Variants in ZNF850 observed in about 807,000 individuals in gnomAD.
ZNF850 encodes the protein zinc finger protein 850, also known as putative zinc finger protein ENSP00000330994.
A neutral mutation model predicts 11.9 loss-of-function variants in ZNF850; 2 were observed. The observed-to-expected ratio is 0.17, with a 90% CI of 0.07 to 0.53. The LOEUF is 0.53. ZNF850 is among the 20% of genes least tolerant of loss of function. ZNF850 has a pLI of 0.94. For synonymous variants in ZNF850, 381 were observed against 443.0 expected, an observed-to-expected ratio of 0.86 and a Z score of 1.76; for missense variants, 1,014 against 1,316.4, an observed-to-expected ratio of 0.77 and a Z score of 3.55.
At position 36,747,309 on chromosome 19, in the gene ZNF850, T is replaced by TA. The variant is rs1254058603; in HGVS notation, c.*457_*458insT. On this transcript the variant is annotated 3_prime_UTR_variant, in exon 5 of 5. Transcript: ENST00000591344. The stretch of plus-strand genomic sequence containing the variant: ...CATTGACCACATTCTCTAATATGAA[T>TA]TTGTATAACTTCAATAAGCTTTGAA... 1.3e-5 allele frequency: 2 copies of TA among 154,562 alleles called. No homozygotes were observed. Among genetic ancestry groups the TA allele is most frequent in the African/African-American group, 2.4e-5 (1 of 41,470 alleles). 9.6% of individuals were successfully genotyped at this position (154,562 alleles called of 1,614,324 possible). A position where few individuals can be genotyped will look rare whatever the true frequency, so the allele number is the denominator to read the frequency against.
At position 36,750,808 on chromosome 19, in the gene ZNF850, A is replaced by G; in HGVS notation, c.236-4T>C. Reference sequence around the variant, plus strand: ...GTCTTACATCTAAACTCCGAGTCTGAAAAATAACCAGAAAGCAAAAACATA... The same window carrying G: ...GTCTTACATCTAAACTCCGAGTCTGGAAAATAACCAGAAAGCAAAAACATA... On this transcript the variant is annotated splice_polypyrimidine_tract_variant and splice_region_variant and intron_variant, in intron 4 of 4. Transcript: ENST00000591344. 1.3e-6 allele frequency: 2 copies of G among 1,487,168 alleles called. No individual in the cohort carries two copies. The highest frequency in any genetic ancestry group is 1.8e-6 in the Non-Finnish European group (2 of 1,124,700). 92.1% of individuals were successfully genotyped at this position (1,487,168 alleles called of 1,614,324 possible).
chr19:36,762,045 C>A (rs1301883035), intron 3 of ZNF850, among the ~76,000 whole-genome samples: 546 of 113,710 alleles, frequency 4.8e-3, no homozygotes, highest in South Asian at 7.6e-3. Flanking sequence ...GACTTTGTCT[C>A]AAAAAAAAAA....
chr19:36,748,093 A>G lies in ZNF850; in HGVS notation c.2947T>C (p.Cys983Arg), dbSNP rs1206290064. 1 of 1,554,488 alleles carries G rather than the reference A, an allele frequency of 6.4e-7. No homozygotes were observed. The highest frequency in any genetic ancestry group is 1.9e-5 in the Admixed American group (1 of 51,562). The change falls in exon 5 of 5, where the codon TGT becomes CGT. Residue 983 changes from cysteine (C) to arginine (R), a missense_variant. Physicochemically the swap from Cys to Arg is radical, Grantham distance 180. Around this residue, in one of 2 missense-constraint regions of ZNF850, gnomAD observed 179 missense variants for 294.4 expected, o/e 0.61. Coordinates refer to ENST00000591344, the MANE Select transcript of ZNF850 (RefSeq NM_001193552.2). ...GTAAAAGATTTCCCACATTCTTTAC[A>G]TTCATAAGGTCTGTCACCGGTATGA... ...RIHTGDRPYE[C>R]KECGKSFTCG...
intron 4 of ZNF850, among the ~76,000 whole-genome samples, chr19:36,753,840 T>C (rs756208493): frequency 9.9e-5 from 15 of 152,106 alleles, no homozygotes; most frequent in Non-Finnish European, 7.4e-5. Flanking sequence ...GAGCTAGGAT[T>C]TGAATGGAGG....
At chr19:36,758,177 G>A (rs1488574788) in intron 4 of ZNF850, among the ~76,000 whole-genome samples, 1 of 152,110 alleles carries the variant, frequency 6.6e-6, no homozygotes. Context: ...TGCCTTACAG[G>A]TGTAGTATGT....
At chr19:36,770,660 T>G (rs1351450182) in intron 1 of ZNF850, among the ~76,000 whole-genome samples, 2 of 129,124 alleles carry the variant, frequency 1.5e-5, no homozygotes, top group Non-Finnish European at 3.1e-5. Context: ...GACTGGAGAT[T>G]GCGCCACTGC....
At chr19:36,770,823 A>G (rs1478533050) in intron 1 of ZNF850, among the ~76,000 whole-genome samples, 3 of 151,872 alleles carry the variant, frequency 2.0e-5, no homozygotes, top group African/African-American at 7.3e-5. Context: ...TGAGAAAATC[A>G]CAGAACCGTA....
At position 36,745,799 on chromosome 19, in the gene ZNF850, CT is replaced by C. The variant is rs1184654408; in HGVS notation, c.*1967del. The C allele has an allele frequency of 6.6e-6, 1 of 152,174 alleles. No homozygotes were observed. Among genetic ancestry groups the C allele is most frequent in the Non-Finnish European group, 1.5e-5 (1 of 68,114 alleles). The allele number at this position is 152,174 out of a possible 1,614,324, so 9.4% of individuals were successfully genotyped here. On this transcript the variant is annotated 3_prime_UTR_variant, in exon 5 of 5. Transcript: ENST00000591344. The stretch of plus-strand genomic sequence containing the variant: ...TTATATTCATAAGGTGGGAAGATTG[CT>C]TGAAGACAGGAATTCAAGACCAGCC...
At chr19:36,765,734 G>A (rs2040545529) in intron 1 of ZNF850, among the ~76,000 whole-genome samples, 1 of 151,338 alleles carries the variant, frequency 6.6e-6, no homozygotes, top group Non-Finnish European at 1.5e-5. Context: ...ACAGGCATGT[G>A]CCACCACGCC....
chr19:36,752,649 G>A (rs1401954330), intron 4 of ZNF850, among the ~76,000 whole-genome samples: 1 of 152,148 alleles, frequency 6.6e-6, no homozygotes, highest in African/African-American at 2.4e-5. Context: ...CACATAGTCT[G>A]TTTATAGGAA....
chr19:36,749,374 T>C lies in ZNF850; in HGVS notation c.1666A>G (p.Thr556Ala). The C allele has an allele frequency of 6.5e-7, 1 of 1,549,810 alleles. No homozygotes were observed. Among genetic ancestry groups the C allele is most frequent in the Non-Finnish European group, 8.7e-7 (1 of 1,152,270 alleles). Residue 556 changes from threonine to alanine, a missense_variant, in exon 5 of 5, where the codon ACT becomes GCT. Transcript: ENST00000591344. Reference protein sequence around the residue: ...SGLIGHQAVHTGEKPYDCKEC... With the variant: ...SGLIGHQAVHAGEKPYDCKEC... ...TTACAATCATAGGGTTTCTCACCAG[T>C]GTGAACTGCCTGATGTCCAATTAGC... is the stretch of plus-strand genomic sequence containing the variant.
intron 4 of ZNF850, among the ~76,000 whole-genome samples, chr19:36,756,642 C>G (rs1254585498): frequency 1.3e-5 from 2 of 152,088 alleles, no homozygotes; most frequent in Non-Finnish European, 2.9e-5. Flanking sequence ...AAGACAGAGT[C>G]TTGCTCTGTT....
At chr19:36,759,886 A>G (rs577914766) in intron 4 of ZNF850, among the ~76,000 whole-genome samples, 15 of 152,294 alleles carry the variant, frequency 9.8e-5, no homozygotes, top group Non-Finnish European at 1.9e-4. Context: ...CCCTCAGTCT[A>G]TGCTACTTAC....
intron 3 of ZNF850, among the ~76,000 whole-genome samples, 199 bp from the exon 4 acceptor site, chr19:36,761,937 T>G (rs1251292788): frequency 6.7e-6 from 1 of 149,974 alleles, no homozygotes; most frequent in Non-Finnish European, 1.5e-5. Context: ...TCCCAGCTAC[T>G]CAGAAGGCTG....
intron 1 of ZNF850, among the ~76,000 whole-genome samples, chr19:36,765,002 CTT>C (rs1237209515): frequency 6.6e-6 from 1 of 152,024 alleles, no homozygotes; most frequent in African/African-American, 2.4e-5. Context: ...GATTTTCTAA[CTT>C]GCCCCCTGTA....
At position 36,748,857 on chromosome 19, in the gene ZNF850, G is replaced by A. The variant is rs2040431767; in HGVS notation, c.2183C>T (p.Pro728Leu). 4 of 1,549,798 alleles carry A rather than the reference G, an allele frequency of 2.6e-6. No individual in the cohort carries two copies. The highest frequency in any genetic ancestry group is 3.5e-6 in the Non-Finnish European group (4 of 1,151,594). ...QHQQNHTDEK[P>L]YDGKECGKSF... ...TTTCCCACATTCCTTACCATCATAG[G>A]GTTTCTCATCAGTGTGATTTTGCTG... The change falls in exon 5 of 5, where the codon CCC becomes CTC. Residue 728 changes from proline (P) to leucine (L), a missense_variant. By Grantham distance (98) the Pro-to-Leu change is moderately conservative (BLOSUM62 -3). Coordinates refer to ENST00000591344, the MANE Select transcript of ZNF850 (RefSeq NM_001193552.2).
chr19:36,751,920 C>CTCTGTA (rs1239180395), intron 4 of ZNF850, among the ~76,000 whole-genome samples: 1 of 151,998 alleles, frequency 6.6e-6, no homozygotes, highest in Non-Finnish European at 1.5e-5. Flanking sequence ...TATGGGAAGT[C>CTCTGTA]TCTGTACTAA....
chr19:36,772,460 G>A (rs968723077), intron 1 of ZNF850, among the ~76,000 whole-genome samples: 3 of 151,914 alleles, frequency 2.0e-5, no homozygotes, highest in Admixed American at 6.6e-5. Flanking sequence ...GCACAGACAC[G>A]CAAAGTCACA....
chr19:36,762,571 A>G, intron 2 of ZNF850, 24 bp downstream of exon 2: 1 of 1,536,036 alleles, frequency 6.5e-7, no homozygotes, highest in Non-Finnish European at 8.7e-7. Context: ...GAGTAAAAAA[A>G]TTAGTGTAAC....
Sources: allele counts gnomAD v4.1 joint callset (sites outside exome capture counted in the v4.1 genomes callset), GRCh38; gene constraint gnomAD v4.1.1; regional missense constraint gnomAD v4.1.1; transcripts MANE v1.5; gene names NCBI Gene and HGNC (gene_info 2026-07-23, HGNC 2026-07-21).